RELN: variants seen among roughly 807,000 people sequenced by gnomAD.
RELN encodes reelin.
In RELN, 108 loss-of-function variants were observed where a neutral mutation model predicts 427.6. The observed-to-expected ratio is 0.25, with a 90% confidence interval of 0.22 to 0.30. The LOEUF (loss-of-function observed/expected upper bound fraction) is 0.30. Ranked by LOEUF, RELN falls within the 10% of genes least tolerant of loss-of-function variation. The probability of loss-of-function intolerance (pLI) is 1.00; values close to 1 mark genes in which losing one functional copy is unlikely to be tolerated. For missense variants in RELN, 3,715 were observed against 4,302.8 expected, an observed-to-expected ratio of 0.86 and a Z score of 3.82; for synonymous variants, 1,524 against 1,513.4, an observed-to-expected ratio of 1.01 and a Z score of -0.16.
chr7:103,885,042 C>T (rs1345397807), intron 2 of RELN, among the ~76,000 whole-genome samples: 1 of 152,118 alleles, frequency 6.6e-6, no homozygotes, highest in Non-Finnish European at 1.5e-5. Context: ...AAATGCTCAT[C>T]AATGATAGAC....
At chr7:103,654,491 C>A (rs1011106250) in intron 12 of RELN, among the ~76,000 whole-genome samples, 5 of 152,086 alleles carry the variant, frequency 3.3e-5, no homozygotes, top group African/African-American at 1.2e-4. Flanking sequence ...CGTCCATGTT[C>A]TAACCCACAT....
In RELN at chr7:103,574,276, T is replaced by A; in HGVS notation, c.4327A>T (p.Asn1443Tyr). 1 of 1,614,156 alleles carries A rather than the reference T, an allele frequency of 6.2e-7. No individual in the cohort carries two copies. Among genetic ancestry groups the A allele is most frequent in the Non-Finnish European group, 8.5e-7 (1 of 1,180,008 alleles). Residue 1443 changes from asparagine (N) to tyrosine (Y), a missense_variant, in exon 30 of 65, where the codon AAT becomes TAT. Transcript: ENST00000428762. ...AACATCTCATTGTGATTGGGGACAT[T>A]TGACACACAGGTTCCTTGTGCAGCT... ...YTAAQGTCVS[N>Y]VPNHNEMFDR...
Position 103,549,535 on chromosome 7 carries a change from G to C in RELN, c.6302+1532C>G, listed in dbSNP as rs760108439. Among the ~76,000 whole-genome samples the C allele has an allele frequency of 3.9e-4, 59 of 152,268 alleles. 1 individual carries two copies. The highest frequency in any genetic ancestry group is 6.3e-4 in the Non-Finnish European group (43 of 68,024). ...CTAGGCCTTTCCCCTTGCCTGTCCT[G>C]CTCATAGGCATGGTTTTTCGACAGC... On this transcript the variant is annotated intron_variant, in intron 41 of 64. Coordinates refer to ENST00000428762, the MANE Select transcript of RELN (RefSeq NM_005045.4).
At chr7:103,497,965 T>C in intron 54 of RELN, 39 bp from the exon 55 acceptor site, 1 of 1,605,450 alleles carries the variant, frequency 6.2e-7, no homozygotes, top group Non-Finnish European at 8.5e-7. Flanking sequence ...AATAATTCAT[T>C]AGAACAAATA....
At chr7:103,668,035 G>A (rs1315607266) in intron 11 of RELN, among the ~76,000 whole-genome samples, 1 of 152,174 alleles carries the variant, frequency 6.6e-6, no homozygotes. Context: ...TTCAAGTTCA[G>A]CCTGGCCAAC....
At position 103,491,957 on chromosome 7, in the gene RELN, C is replaced by T. The variant is rs150485168; in HGVS notation, c.9439G>A (p.Ala3147Thr). 8 of 1,596,882 alleles carry T rather than the reference C, an allele frequency of 5.0e-6. No individual in the cohort carries two copies. In the African/African-American group the frequency reaches 5.4e-5, roughly 11 times the overall value. ...GTTAAAAATTATTTCACAAACCTTGCATCCTTAGTGTATTCCAGCATTACG... is the reference window on the plus strand; with the variant it reads ...GTTAAAAATTATTTCACAAACCTTGTATCCTTAGTGTATTCCAGCATTACG... ...HSVMLEYTKD[A>T]RSDSWQLVQT... is the part of the protein sequence containing the mutation. The change falls in exon 58 of 65, where the codon GCA becomes ACA. Residue 3147 changes from alanine (A) to threonine (T), a missense_variant. Coordinates refer to ENST00000428762, the MANE Select transcript of RELN (RefSeq NM_005045.4).
intron 1 of RELN, among the ~76,000 whole-genome samples, chr7:103,980,538 A>C (rs2116841166): frequency 6.6e-6 from 1 of 152,324 alleles, no homozygotes; most frequent in Middle Eastern, 3.4e-3. Context: ...CCATTTTGAA[A>C]AATAAATGCG....
At chr7:103,781,927 T>A (rs1791900743) in intron 3 of RELN, among the ~76,000 whole-genome samples, 1 of 152,146 alleles carries the variant, frequency 6.6e-6, no homozygotes, top group Non-Finnish European at 1.5e-5. Flanking sequence ...TAATTTTACA[T>A]AATTAGAAAT....
chr7:103,911,606 A>G (rs1168908806), intron 2 of RELN, among the ~76,000 whole-genome samples: 1 of 151,492 alleles, frequency 6.6e-6, no homozygotes, highest in African/African-American at 2.4e-5. Flanking sequence ...AACCAACCCA[A>G]AAGTCCAACA....
chr7:103,938,575 G>C (rs1796038099), intron 1 of RELN, among the ~76,000 whole-genome samples: 1 of 152,132 alleles, frequency 6.6e-6, no homozygotes, highest in Non-Finnish European at 1.5e-5. Flanking sequence ...ATTATAAATA[G>C]GGATGTGCAA....
chr7:103,684,419 C>G (rs570002904), intron 10 of RELN, among the ~76,000 whole-genome samples: 2 of 152,180 alleles, frequency 1.3e-5, no homozygotes, highest in Non-Finnish European at 2.9e-5. Context: ...GCATTTCTGG[C>G]TCTGAATGGG....
chr7:103,532,733 T>C (rs1312858628), intron 46 of RELN, among the ~76,000 whole-genome samples: 1 of 152,144 alleles, frequency 6.6e-6, no homozygotes, highest in Non-Finnish European at 1.5e-5. Flanking sequence ...CTTTACCTGG[T>C]TAACTTGTAT....
chr7:103,989,119 T>C lies in RELN; in HGVS notation c.226+12A>G, dbSNP rs781342605. The C allele has an allele frequency of 1.2e-6, 2 of 1,612,254 alleles. No individual in the cohort carries two copies. Among genetic ancestry groups the C allele is most frequent in the South Asian group, 1.1e-5 (1 of 91,028 alleles). On this transcript the variant is annotated intron_variant, in intron 1 of 64. Coordinates refer to ENST00000428762, the MANE Select transcript of RELN (RefSeq NM_005045.4). This position sits in a 1 kb window ranked among gnomAD's most constrained non-coding sequence, Gnocchi z 4.9. ...CCGGCGGCGGCGAGCGCGGAGGTGC[T>C]GCGGTACCTACCATGGTATTCTTGT...
In RELN at chr7:103,675,244, T is replaced by C. The variant is rs567825218; in HGVS notation, c.1289+6872A>G. On this transcript the variant is annotated intron_variant, in intron 11 of 64. Transcript: ENST00000428762. ...CACAAGCATTCCTGTATATCAATAATAGATAAGAAGAGAGCCAAATCATGA... is the reference window on the plus strand; with the variant it reads ...CACAAGCATTCCTGTATATCAATAACAGATAAGAAGAGAGCCAAATCATGA... Among the ~76,000 whole-genome samples the C allele has an allele frequency of 5.9e-5, 9 of 152,128 alleles. No homozygotes were observed. In the South Asian group the frequency reaches 1.7e-3, roughly 28 times the overall value.
intron 16 of RELN, among the ~76,000 whole-genome samples, chr7:103,644,438 C>G (rs1183689680): frequency 6.8e-6 from 1 of 147,024 alleles, no homozygotes; most frequent in Non-Finnish European, 1.5e-5. Context: ...ACCCAAACCC[C>G]AAACAAAACT....
intron 3 of RELN, among the ~76,000 whole-genome samples, chr7:103,807,313 C>T (rs575018072): frequency 6.6e-6 from 1 of 152,258 alleles, no homozygotes; most frequent in East Asian, 1.9e-4. Context: ...CACTAAAACA[C>T]TGAATCCTAA....
Position 103,808,126 on chromosome 7 carries a change from T to C in RELN, c.473+25411A>G, listed in dbSNP as rs867906073. ...AAAAGATTCTGGCCTAAGAGAAAAA[T>C]CTGAAGATACTAAAATATGAGAGTC... is the stretch of plus-strand genomic sequence containing the variant. On this transcript the variant is annotated intron_variant, in intron 3 of 64. Coordinates refer to ENST00000428762, the MANE Select transcript of RELN (RefSeq NM_005045.4). 2.6e-5 allele frequency among the ~76,000 whole-genome samples: 4 copies of C among 152,000 alleles called. No homozygotes were observed. In the Middle Eastern group the frequency reaches 0.01, roughly 388 times the overall value.
At chr7:103,700,785 A>T in intron 9 of RELN, 125 bp downstream of exon 9, 1 of 724,950 alleles carries the variant, frequency 1.4e-6, no homozygotes, top group South Asian at 1.5e-5. Flanking sequence ...CATAGAATTC[A>T]ACATAATTAA....
At chr7:103,644,873 C>T (rs1037401248) in intron 16 of RELN, among the ~76,000 whole-genome samples, 1 of 151,556 alleles carries the variant, frequency 6.6e-6, no homozygotes, top group African/African-American at 2.4e-5. Context: ...TTAAGATTAG[C>T]ATGGGAAAAA....
Sources: gnomAD v4.1 joint callset for allele counts (sites outside exome capture counted in the v4.1 genomes callset) on GRCh38, gnomAD v4.1.1 for gene constraint, Gnocchi (gnomAD v3.1) non-coding constraint, MANE v1.5 for transcripts, NCBI Gene and HGNC (gene_info 2026-07-23, HGNC 2026-07-21) for gene names.